TESK2: variants seen among roughly 807,000 people sequenced by gnomAD.
TESK2 encodes testis associated actin remodelling kinase 2.
In TESK2, 39 loss-of-function variants were observed where a neutral mutation model predicts 57.1. The ratio of observed to expected loss-of-function variants is 0.68; its 90% CI spans 0.53 to 0.89. The LOEUF (loss-of-function observed/expected upper bound fraction) is 0.89, where lower values mean the gene tolerates loss of function less well. Among genes scored for constraint, TESK2 ranks in the 40% least tolerant of loss-of-function variants. TESK2 has a pLI of 0.00. For missense variants in TESK2, 646 were observed against 732.1 expected (o/e 0.88, Z 1.36); for synonymous variants, 249 against 267.9 (o/e 0.93, Z 0.69).
intron 1 of TESK2, among the ~76,000 whole-genome samples, chr1:45,461,394 C>G (rs1203041210): frequency 6.6e-6 from 1 of 152,222 alleles, no homozygotes; most frequent in East Asian, 1.9e-4. Flanking sequence ...TAGGTCTGAT[C>G]TCCATTTTAC....
rs577358809 is a variant in TESK2, at chr1:45,367,304, G to T, written c.394-11855C>A. Among the ~76,000 whole-genome samples the T allele has an allele frequency of 3.4e-4, 52 of 152,052 alleles. No homozygotes were observed. The South Asian group carries it at 0.011, about 31-fold the overall frequency. On this transcript the variant is annotated intron_variant, in intron 4 of 10. Coordinates refer to ENST00000372086, the MANE Select transcript of TESK2 (RefSeq NM_007170.3). The stretch of plus-strand genomic sequence containing the variant: ...CCAAGTAATGCATACACAGCTGAAA[G>T]AAGGAAGTATTCCAGCTGCACCCTC...
intron 4 of TESK2, among the ~76,000 whole-genome samples, 194 bp downstream of exon 4, chr1:45,385,718 A>G (rs867739262): frequency 0.011 from 1,610 of 148,358 alleles, 41 homozygotes; most frequent in African/African-American, 0.038. Flanking sequence ...GTGTATATAT[A>G]TATATATATA....
intron 3 of TESK2, among the ~76,000 whole-genome samples, chr1:45,403,440 A>G (rs1455485222): frequency 5.3e-5 from 8 of 152,184 alleles, no homozygotes; most frequent in African/African-American, 1.9e-4. Flanking sequence ...AGGAGAATTC[A>G]TAAGGAAAAC....
intron 1 of TESK2, among the ~76,000 whole-genome samples, chr1:45,471,508 C>T (rs61309824): frequency 1.3e-5 from 2 of 151,444 alleles, no homozygotes; most frequent in Non-Finnish European, 2.9e-5. Flanking sequence ...CGGGTTCAAG[C>T]GATTCTCCTG....
At chr1:45,373,302 T>A (rs1648278604) in intron 4 of TESK2, among the ~76,000 whole-genome samples, 1 of 152,080 alleles carries the variant, frequency 6.6e-6, no homozygotes, top group African/African-American at 2.4e-5. Flanking sequence ...GATTCAAGAA[T>A]AGTAAAGAGG....
chr1:45,349,366 C>A (rs1189482724), intron 5 of TESK2, among the ~76,000 whole-genome samples: 1 of 152,194 alleles, frequency 6.6e-6, no homozygotes, highest in Non-Finnish European at 1.5e-5. Context: ...CTTTGGCTCT[C>A]TAATCAGTCC....
At chr1:45,455,739 A>G (rs568463559) in intron 2 of TESK2, among the ~76,000 whole-genome samples, 25 of 152,296 alleles carry the variant, frequency 1.6e-4, no homozygotes, top group Non-Finnish European at 2.9e-4. Flanking sequence ...AATGGCTAAG[A>G]TGGTAAATTT....
At chr1:45,453,763 T>C (rs544826159) in intron 2 of TESK2, among the ~76,000 whole-genome samples, 3 of 152,100 alleles carry the variant, frequency 2.0e-5, no homozygotes, top group Admixed American at 6.6e-5. Flanking sequence ...CTACAAATTG[T>C]GAGAAAATAT....
At chr1:45,421,941 G>T in intron 2 of TESK2, 95 bp from the exon 3 acceptor site, 4 of 1,384,946 alleles carry the variant, frequency 2.9e-6, no homozygotes, top group African/African-American at 2.9e-5. Flanking sequence ...AGATATTTTT[G>T]TGCCACTTTA....
chr1:45,355,849 G>A lies in TESK2; in HGVS notation c.394-400C>T, dbSNP rs866021470. Among the ~76,000 whole-genome samples the A allele has an allele frequency of 3.3e-5, 5 of 152,232 alleles. No individual in the cohort carries two copies. The Middle Eastern group carries it at 0.014, about 414-fold the overall frequency. On this transcript the variant is annotated intron_variant, in intron 4 of 10. Transcript: ENST00000372086. Reference sequence around the variant, plus strand: ...ACACAGAGGGAGCAGCATATGCAAAGTTACAGGTTAAGTGCATGATGCATT... The same window carrying A: ...ACACAGAGGGAGCAGCATATGCAAAATTACAGGTTAAGTGCATGATGCATT...
At chr1:45,486,110 G>C (rs1271300300) in intron 1 of TESK2, among the ~76,000 whole-genome samples, 3 of 152,034 alleles carry the variant, frequency 2.0e-5, no homozygotes, top group Non-Finnish European at 2.9e-5. Flanking sequence ...TGATTGTTCA[G>C]GGAAAATAAC....
At chr1:45,480,637 A>G (rs1484809488) in intron 1 of TESK2, among the ~76,000 whole-genome samples, 1 of 151,668 alleles carries the variant, frequency 6.6e-6, no homozygotes. Context: ...CATCCATTCA[A>G]TGGAATACTA....
intron 1 of TESK2, among the ~76,000 whole-genome samples, chr1:45,473,660 A>T (rs1343328951): frequency 6.6e-6 from 1 of 152,198 alleles, no homozygotes; most frequent in African/African-American, 2.4e-5. Context: ...GACATAACAA[A>T]AAGCAAACGC....
At chr1:45,420,223 G>GA (rs2149286442) in intron 3 of TESK2, among the ~76,000 whole-genome samples, 1 of 152,240 alleles carries the variant, frequency 6.6e-6, no homozygotes, top group South Asian at 2.1e-4. Context: ...TCTCATTTAA[G>GA]AAAAATTTTT....
chr1:45,397,031 C>T (rs145427440), intron 3 of TESK2, among the ~76,000 whole-genome samples: 3,387 of 151,792 alleles, frequency 0.022, 48 homozygotes, highest in Non-Finnish European at 0.037. Flanking sequence ...GTTGGCCAGG[C>T]GGGTCTCAAA....
intron 3 of TESK2, among the ~76,000 whole-genome samples, chr1:45,395,609 C>CTT (rs201678906): frequency 3.0e-5 from 4 of 132,562 alleles, no homozygotes; most frequent in Non-Finnish European, 4.7e-5. Flanking sequence ...CTTTTCTTTT[C>CTT]TTTTTTTTTT....
chr1:45,466,931 AAAC>A (rs1346606341), intron 1 of TESK2, among the ~76,000 whole-genome samples: 1 of 152,028 alleles, frequency 6.6e-6, no homozygotes, highest in Non-Finnish European at 1.5e-5. Context: ...AGTACCTAAT[AAAC>A]AATAAGCATT....
At chr1:45,350,100 C>G (rs1478783946) in intron 5 of TESK2, among the ~76,000 whole-genome samples, 1 of 152,144 alleles carries the variant, frequency 6.6e-6, no homozygotes, top group South Asian at 2.1e-4. Context: ...CAAGATCACA[C>G]CACTGCACTC....
intron 2 of TESK2, among the ~76,000 whole-genome samples, chr1:45,453,114 A>G (rs1288948480): frequency 1.3e-5 from 2 of 151,962 alleles, no homozygotes; most frequent in Non-Finnish European, 2.9e-5. Flanking sequence ...TGGGAGGCAG[A>G]GGCAGGCTGA....
Sources: allele counts gnomAD v4.1 joint callset (sites outside exome capture counted in the v4.1 genomes callset), GRCh38; gene constraint gnomAD v4.1.1; transcripts MANE v1.5; gene names NCBI Gene and HGNC (gene_info 2026-07-23, HGNC 2026-07-21).